Variants in TEAD1 observed in about 807,000 individuals in gnomAD.
TEAD1 encodes the protein transcriptional enhancer factor TEF-1.
TEAD1 carries 9 observed loss-of-function variants against 54.9 expected under a neutral mutation model. That is an observed-to-expected ratio of 0.16 (90% CI 0.10 to 0.29). The LOEUF is 0.29. TEAD1 is among the 10% of genes least tolerant of loss of function. The pLI, the probability that TEAD1 is intolerant of heterozygous loss-of-function variation, is 1.00. For synonymous variants in TEAD1, 200 were observed against 187.8 expected (o/e 1.07, Z -0.53); for missense variants, 387 against 535.9 (o/e 0.72, Z 2.74).
intron 2 of TEAD1, among the ~76,000 whole-genome samples, chr11:12,750,643 C>T (rs1944852049): frequency 2.0e-5 from 3 of 152,186 alleles, no homozygotes; most frequent in African/African-American, 7.2e-5. Context: ...TTGTATGAAA[C>T]AGTCCACCTT....
chr11:12,765,225 T>A (rs1012163119), intron 3 of TEAD1, among the ~76,000 whole-genome samples: 4 of 152,104 alleles, frequency 2.6e-5, no homozygotes, highest in African/African-American at 9.7e-5. Flanking sequence ...GCTTGCTGGG[T>A]TTGGGCACCC....
chr11:12,688,437 T>C (rs1312786532), intron 2 of TEAD1, among the ~76,000 whole-genome samples: 1 of 152,230 alleles, frequency 6.6e-6, no homozygotes, highest in Admixed American at 6.5e-5. Context: ...AGGTGTGTGA[T>C]CACTGATTGC....
At chr11:12,864,053 T>A (rs1301478272) in intron 4 of TEAD1, among the ~76,000 whole-genome samples, 1 of 129,898 alleles carries the variant, frequency 7.7e-6, no homozygotes, top group Non-Finnish European at 1.7e-5. Flanking sequence ...GTGGAAGGAT[T>A]AAAGATTTTT....
intron 5 of TEAD1, among the ~76,000 whole-genome samples, chr11:12,875,022 T>A (rs1202277343): frequency 6.6e-6 from 1 of 152,158 alleles, no homozygotes; most frequent in Non-Finnish European, 1.5e-5. Context: ...ACATACACAC[T>A]CAGAATATTT....
intron 3 of TEAD1, among the ~76,000 whole-genome samples, chr11:12,821,961 C>CTTTTTTTTTTTTTTT (rs10700151): frequency 0.027 from 1,850 of 68,030 alleles, 419 homozygotes; most frequent in Non-Finnish European, 0.03. Flanking sequence ...TTCTCTTTTC[C>CTTTTTTTTTTTTTTT]TTTTTTTTTT....
At position 12,735,589 on chromosome 11, in the gene TEAD1, A is replaced by C. The variant is rs144469278; in HGVS notation, c.-54-28590A>C. ...TTTTTTTTTTTTTTTTTGGGTGCTT[A>C]CTGTGTGCTATGCACTGTTCTGGAT... On this transcript the variant is annotated intron_variant, in intron 2 of 12. Transcript: ENST00000527636. Among the ~76,000 whole-genome samples, 687 of 128,422 alleles carry C rather than the reference A, an allele frequency of 5.3e-3. 7 individuals are homozygous for C. Among genetic ancestry groups the C allele is most frequent in the African/African-American group, 0.019 (652 of 33,640 alleles). 84.2% of individuals were successfully genotyped at this position (128,422 alleles called of 152,430 possible). A position where few individuals can be genotyped will look rare whatever the true frequency, so the allele number is the denominator to read the frequency against.
intron 3 of TEAD1, among the ~76,000 whole-genome samples, chr11:12,783,723 AAGAG>A (rs1945615131): frequency 6.6e-6 from 1 of 152,146 alleles, no homozygotes; most frequent in Non-Finnish European, 1.5e-5. Context: ...GACAAAGTGG[AAGAG>A]AGAGAAAGCT....
intron 3 of TEAD1, among the ~76,000 whole-genome samples, chr11:12,818,725 A>G (rs1400143387): frequency 6.6e-6 from 1 of 152,212 alleles, no homozygotes; most frequent in African/African-American, 2.4e-5. Context: ...GAACCACAGT[A>G]GTGTGAAATT....
intron 5 of TEAD1, among the ~76,000 whole-genome samples, chr11:12,875,463 A>G (rs79444452): frequency 0.04 from 6,137 of 152,322 alleles, 166 homozygotes; most frequent in Non-Finnish European, 0.058. Context: ...GTGGGTCTGT[A>G]GGCAGACCCT....
chr11:12,846,913 C>G (rs1436594132), intron 3 of TEAD1, among the ~76,000 whole-genome samples: 1 of 152,212 alleles, frequency 6.6e-6, no homozygotes, highest in Non-Finnish European at 1.5e-5. Context: ...CAGTCTGTCT[C>G]AGCTGTGCTT....
At chr11:12,890,042 A>C (rs770430098) in intron 9 of TEAD1, among the ~76,000 whole-genome samples, 1 of 152,090 alleles carries the variant, frequency 6.6e-6, no homozygotes, top group Non-Finnish European at 1.5e-5. Context: ...TTTATATATT[A>C]TGTCAATAAT....
At chr11:12,880,753 C>T (rs1477313594) in intron 6 of TEAD1, among the ~76,000 whole-genome samples, 2 of 152,214 alleles carry the variant, frequency 1.3e-5, no homozygotes, top group African/African-American at 2.4e-5. Context: ...GTAAGGAAAA[C>T]AGGAGCTGCT....
At chr11:12,840,779 C>T (rs1056782115) in intron 3 of TEAD1, among the ~76,000 whole-genome samples, 3 of 152,154 alleles carry the variant, frequency 2.0e-5, no homozygotes, top group Non-Finnish European at 4.4e-5. Flanking sequence ...GCTTTCTGCA[C>T]GGGCCCCTGT....
intron 2 of TEAD1, among the ~76,000 whole-genome samples, chr11:12,758,302 A>G (rs1945026359): frequency 6.8e-6 from 1 of 147,040 alleles, no homozygotes; most frequent in South Asian, 2.1e-4. Context: ...GTGCAGTGGC[A>G]CAATCTTGGC....
intron 11 of TEAD1, among the ~76,000 whole-genome samples, chr11:12,926,129 G>C (rs1391137142): frequency 1.3e-5 from 2 of 152,186 alleles, no homozygotes; most frequent in Non-Finnish European, 2.9e-5. Context: ...TTTATTTGCA[G>C]TGGCCCCAGA....
intron 2 of TEAD1, among the ~76,000 whole-genome samples, chr11:12,742,565 A>G (rs1944668556): frequency 6.6e-6 from 1 of 152,164 alleles, no homozygotes. Flanking sequence ...AAATGGCAAA[A>G]AGAAGAATTT....
At chr11:12,810,298 A>G (rs952926667) in intron 3 of TEAD1, among the ~76,000 whole-genome samples, 1 of 152,120 alleles carries the variant, frequency 6.6e-6, no homozygotes, top group Non-Finnish European at 1.5e-5. Context: ...ATTCTTAAGT[A>G]CCTAGTAACA....
intron 3 of TEAD1, among the ~76,000 whole-genome samples, chr11:12,782,111 C>T (rs547922765): frequency 3.3e-5 from 5 of 152,042 alleles, no homozygotes; most frequent in Admixed American, 1.3e-4. Context: ...GATCTCCCCA[C>T]GGCACTCCAG....
intron 2 of TEAD1, among the ~76,000 whole-genome samples, chr11:12,727,525 C>G (rs796301753): frequency 9.2e-5 from 14 of 152,278 alleles, no homozygotes; most frequent in African/African-American, 3.1e-4. Flanking sequence ...CTAGGAAAAG[C>G]ATTTTTTAAA....
Sources: allele counts gnomAD v4.1 joint callset (sites outside exome capture counted in the v4.1 genomes callset), GRCh38; gene constraint gnomAD v4.1.1; transcripts MANE v1.5; gene names NCBI Gene and HGNC (gene_info 2026-07-23, HGNC 2026-07-21).